The following CFDP1 variants were observed in gnomAD, a reference collection of about 807,000 sequenced individuals.
The protein encoded by CFDP1 is chromatin remodeling protein CFDP1.
In CFDP1, 31 loss-of-function variants were observed where a neutral mutation model predicts 40.1. The observed-to-expected ratio is 0.77, with a 90% confidence interval of 0.58 to 1.04. The LOEUF (loss-of-function observed/expected upper bound fraction) is 1.04, where lower values mean the gene tolerates loss of function less well. CFDP1 is among the 50% of genes least tolerant of loss of function. The pLI is 0.00. For missense variants in CFDP1, 423 were observed against 343.4 expected (o/e 1.23, Z -1.83); for synonymous variants, 167 against 120.0 (o/e 1.39, Z -2.56).
intron 4 of CFDP1, among the ~76,000 whole-genome samples, chr16:75,405,680 G>C (rs958555272): frequency 4.0e-5 from 6 of 151,696 alleles, no homozygotes; most frequent in Admixed American, 3.3e-4. Context: ...GAACCAAGGA[G>C]GTAAAGTTGC....
At chr16:75,358,277 A>T (rs2078659311) in intron 5 of CFDP1, among the ~76,000 whole-genome samples, 1 of 152,226 alleles carries the variant, frequency 6.6e-6, no homozygotes, top group African/African-American at 2.4e-5. Context: ...TGTAAGAAAC[A>T]CAGTATCTGT....
intron 5 of CFDP1, among the ~76,000 whole-genome samples, chr16:75,355,506 A>T (rs1186576829): frequency 6.6e-6 from 1 of 152,200 alleles, no homozygotes. Flanking sequence ...TTGTTCATCC[A>T]TAAGAAGCAA....
intron 5 of CFDP1, among the ~76,000 whole-genome samples, chr16:75,382,191 A>G (rs962057562): frequency 6.6e-6 from 1 of 152,014 alleles, no homozygotes; most frequent in East Asian, 1.9e-4. Context: ...ATAGAGTACC[A>G]TAATTAGATG....
At chr16:75,404,298 C>T (rs1240361350) in intron 4 of CFDP1, among the ~76,000 whole-genome samples, 5 of 148,562 alleles carry the variant, frequency 3.4e-5, no homozygotes, top group South Asian at 2.2e-4. Flanking sequence ...TGCAGTGGCA[C>T]GATCTCGGCT....
intron 5 of CFDP1, among the ~76,000 whole-genome samples, chr16:75,349,684 A>ATATATATATATATATATATATATATAT (rs1555557207): frequency 3.6e-4 from 3 of 8,278 alleles, no homozygotes; most frequent in Non-Finnish European, 4.7e-4. Context: ...AAAAAAAAAA[A>ATATATATATATATATATATATATATAT]AAAAAAATAT....
chr16:75,410,920 A>G (rs1292914214), intron 4 of CFDP1, among the ~76,000 whole-genome samples: 26 of 149,660 alleles, frequency 1.7e-4, no homozygotes, highest in Non-Finnish European at 3.0e-4. Flanking sequence ...AAAAAAAAAA[A>G]AAAAAAGAAA....
chr16:75,392,969 T>C (rs1162112316), intron 5 of CFDP1, among the ~76,000 whole-genome samples: 3 of 152,222 alleles, frequency 2.0e-5, no homozygotes, highest in Non-Finnish European at 2.9e-5. Flanking sequence ...ATCTTGAGTA[T>C]GAAGTAGATA....
rs145783706 is a variant in CFDP1 at position 75,407,111 on chromosome 16, G to A, written c.530+4714C>T. Among the ~76,000 whole-genome samples, 7 of 151,972 alleles carry A rather than the reference G, an allele frequency of 4.6e-5. No individual in the cohort carries two copies. The East Asian group carries it at 5.8e-4, about 13-fold the overall frequency. The stretch of plus-strand genomic sequence containing the variant: ...TGGGAGGCTGTGGTGGGAGGCTGAC[G>A]TGGGAGGATCACTTGAGCCCATGAG... On this transcript the variant is annotated intron_variant, in intron 4 of 6. Transcript: ENST00000283882.
chr16:75,426,721 T>A (rs1380188232), intron 1 of CFDP1, among the ~76,000 whole-genome samples: 1 of 151,694 alleles, frequency 6.6e-6, no homozygotes, highest in South Asian at 2.1e-4. Flanking sequence ...ATTAAGAGAA[T>A]GAAAAGACAA....
At chr16:75,309,269 C>T (rs1458810309) in intron 5 of CFDP1, among the ~76,000 whole-genome samples, 1 of 152,156 alleles carries the variant, frequency 6.6e-6, no homozygotes, top group Non-Finnish European at 1.5e-5. Context: ...TTACTGTGAC[C>T]TTGCCGCTTT....
chr16:75,412,922 G>GA (rs1231451174), intron 2 of CFDP1, among the ~76,000 whole-genome samples, 168 bp from the exon 3 acceptor site: 11 of 130,264 alleles, frequency 8.4e-5, no homozygotes, highest in Non-Finnish European at 3.3e-5. Flanking sequence ...TTTTATAGAA[G>GA]AAAAAAAAAG....
intron 4 of CFDP1, among the ~76,000 whole-genome samples, chr16:75,401,662 T>C (rs752595477): frequency 3.3e-5 from 5 of 152,052 alleles, no homozygotes; most frequent in Non-Finnish European, 2.9e-5. Context: ...ATGCTGGTGA[T>C]AGAGAAGATG....
Position 75,414,275 on chromosome 16 carries a change from T to C in CFDP1, c.182+303A>G, listed in dbSNP as rs1291343563. ...CATGCACAGACTATCTCTGGTAGCA[T>C]AGTTCTTCAGAGGCAAAGCAACAAG... On this transcript the variant is annotated intron_variant, in intron 2 of 6. Coordinates refer to ENST00000283882, the MANE Select transcript of CFDP1 (RefSeq NM_006324.3). 4.6e-5 allele frequency among the ~76,000 whole-genome samples: 7 copies of C among 152,190 alleles called. No individual in the cohort carries two copies. The South Asian group carries it at 6.2e-4, about 14-fold the overall frequency.
intron 5 of CFDP1, among the ~76,000 whole-genome samples, chr16:75,355,939 T>TA (rs1482235596): frequency 6.6e-6 from 1 of 152,250 alleles, no homozygotes; most frequent in African/African-American, 2.4e-5. Flanking sequence ...ATACAGGCTA[T>TA]ACTTCTCATA....
rs970346756 is a variant in CFDP1 at position 75,305,443 on chromosome 16, C to T, written c.651-261G>A. Reference sequence around the variant, plus strand: ...CCTGCCTTCTTCAGACCTCTGTGGGCTCTGTGTGGCAGGTCTCTGCTTGCA... The same window carrying T: ...CCTGCCTTCTTCAGACCTCTGTGGGTTCTGTGTGGCAGGTCTCTGCTTGCA... On this transcript the variant is annotated intron_variant, in intron 5 of 6. Transcript: ENST00000283882. The T allele has an allele frequency of 2.0e-5, 8 of 398,258 alleles. No individual in the cohort carries two copies. In the East Asian group the frequency reaches 3.1e-4, roughly 16 times the overall value. 24.7% of individuals were successfully genotyped at this position (398,258 alleles called of 1,614,324 possible).
At chr16:75,362,152 G>C (rs1329328525) in intron 5 of CFDP1, among the ~76,000 whole-genome samples, 1 of 152,232 alleles carries the variant, frequency 6.6e-6, no homozygotes. Context: ...TCCTGGGTCA[G>C]TACTGTCATT....
chr16:75,424,481 C>T (rs113724748), intron 1 of CFDP1, among the ~76,000 whole-genome samples: 154 of 152,242 alleles, frequency 1.0e-3, no homozygotes, highest in Non-Finnish European at 1.9e-3. Flanking sequence ...GGCTGCCAGA[C>T]GCGGTGGCTC....
chr16:75,343,528 T>C (rs1354657822), intron 5 of CFDP1, among the ~76,000 whole-genome samples: 1 of 152,170 alleles, frequency 6.6e-6, no homozygotes, highest in East Asian at 1.9e-4. Flanking sequence ...AGAGAAAATG[T>C]ATGTGTATGA....
intron 5 of CFDP1, among the ~76,000 whole-genome samples, chr16:75,323,027 A>AT (rs1429329339): frequency 6.6e-6 from 1 of 151,770 alleles, no homozygotes. Context: ...TATTTAGAAA[A>AT]TTTTTTTTTC....
Sources: allele counts gnomAD v4.1 joint callset (sites outside exome capture counted in the v4.1 genomes callset), GRCh38; gene constraint gnomAD v4.1.1; transcripts MANE v1.5; gene names NCBI Gene and HGNC (gene_info 2026-07-23, HGNC 2026-07-21).